The following ETAA1 variants were observed in gnomAD, a reference collection of about 807,000 sequenced individuals.
ETAA1 encodes the protein ETAA1 activator of ATR kinase, also known as ewing's tumor-associated antigen 1.
In ETAA1, 49 loss-of-function variants were observed where a neutral mutation model predicts 76.8. The ratio of observed to expected loss-of-function variants is 0.64; its 90% CI spans 0.51 to 0.81. The LOEUF (loss-of-function observed/expected upper bound fraction) is 0.81, where lower values mean the gene tolerates loss of function less well. Ranked by LOEUF, ETAA1 falls within the 30% of genes least tolerant of loss-of-function variation. The pLI is 0.00. For synonymous variants in ETAA1, 373 were observed against 372.2 expected (o/e 1.00, Z -0.03); for missense variants, 1,099 against 1,074.0 (o/e 1.02, Z -0.32).
chr2:67,404,330 C>G lies in ETAA1; in HGVS notation c.1648C>G (p.Leu550Val). 1 of 1,613,054 alleles carries G rather than the reference C, an allele frequency of 6.2e-7. No homozygotes were observed. The highest frequency in any genetic ancestry group is 8.5e-7 in the Non-Finnish European group (1 of 1,179,380). ...TATTAAAGCCCCTGTTAATACTGAT[C>G]TTTTTGGCTCTGCAAATCTAGGCAG... Reference protein sequence around the residue: ...QSIKAPVNTDLFGSANLGSKT... With the variant: ...QSIKAPVNTDVFGSANLGSKT... Residue 550 changes from leucine to valine, a missense_variant, in exon 5 of 6, where the codon CTT becomes GTT. Leu to Val is a conservative substitution (Grantham distance 32). Around this residue, in one of 3 missense-constraint regions of ETAA1, gnomAD observed 761 missense variants for 731.9 expected, o/e 1.04. Transcript: ENST00000272342.
In ETAA1 at chr2:67,403,554, A is replaced by G. The variant is rs1676115966; in HGVS notation, c.872A>G (p.Gln291Arg). 3 of 1,613,394 alleles carry G rather than the reference A, an allele frequency of 1.9e-6. No individual in the cohort carries two copies. The East Asian group carries it at 6.7e-5, about 36-fold the overall frequency. The change falls in exon 5 of 6, where the codon CAG (glutamine) becomes CGG (arginine). Residue 291 changes from glutamine (Q) to arginine (R), a missense_variant. By Grantham distance (43) the Gln-to-Arg change is conservative. Around this residue, in one of 3 missense-constraint regions of ETAA1, gnomAD observed 761 missense variants for 731.9 expected, o/e 1.04. Transcript: ENST00000272342. ...AATGCTATTTTTGATGGTTCTACTC[A>G]GAAATGTAGCGGACAGTTAAGCCAA... ...AFNAIFDGSTQKCSGQLSQEL... is the reference protein window; with the variant it reads ...AFNAIFDGSTRKCSGQLSQEL...
chr2:67,405,284 G>A lies in ETAA1; in HGVS notation c.2602G>A (p.Gly868Arg). 1.3e-6 allele frequency: 2 copies of A among 1,572,960 alleles called. No individual in the cohort carries two copies. Among genetic ancestry groups the A allele is most frequent in the Non-Finnish European group, 1.7e-6 (2 of 1,162,782 alleles). ...CAACCCATTACTGGAGGAAGCTGTT[G>A]GACAGCAATCTTTGGTGAAACTTTC... is the stretch of plus-strand genomic sequence containing the variant. ...GVNPLLEEAV[G>R]QQSLVKLSES... The change falls in exon 5 of 6, where the codon GGA becomes AGA. Residue 868 changes from glycine to arginine, a missense_variant. Coordinates refer to ENST00000272342, the MANE Select transcript of ETAA1 (RefSeq NM_019002.4).
At position 67,403,452 on chromosome 2, in the gene ETAA1, G is replaced by A; in HGVS notation, c.770G>A (p.Gly257Glu). The A allele has an allele frequency of 6.2e-7, 1 of 1,612,944 alleles. No homozygotes were observed. The highest frequency in any genetic ancestry group is 8.5e-7 in the Non-Finnish European group (1 of 1,179,152). The change falls in exon 5 of 6, where the codon GGA becomes GAA. Residue 257 changes from glycine to glutamate, a missense_variant. By Grantham distance (98) the Gly-to-Glu change is moderately conservative. This residue lies in a region of ETAA1 where 761 missense variants were observed against 731.9 expected (regional missense o/e 1.04). Coordinates refer to ENST00000272342, the MANE Select transcript of ETAA1 (RefSeq NM_019002.4). Reference sequence around the variant, plus strand: ...AATGCTACAAAAAAGCCAATCAAAGGAAACACCAAGATATCTGTGGCAAAT... The same window carrying A: ...AATGCTACAAAAAAGCCAATCAAAGAAAACACCAAGATATCTGTGGCAAAT... ...IDNATKKPIKGNTKISVANNQ... is the reference protein window; with the variant it reads ...IDNATKKPIKENTKISVANNQ...
In ETAA1 at chr2:67,399,559, G is replaced by GA; in HGVS notation, c.369dup (p.Gln124ThrfsTer7). 5 of 1,601,450 alleles carry GA rather than the reference G, an allele frequency of 3.1e-6. No homozygotes were observed. Among genetic ancestry groups the GA allele is most frequent in the Admixed American group, 3.4e-5 (2 of 58,162 alleles). ...GTCTTTGTTTCTTTAGGTAAAGGAA[G>GA]AAAAAAACAGATTTACACCACAGAT... is the stretch of plus-strand genomic sequence containing the variant. On this transcript the variant is annotated frameshift_variant, in exon 3 of 6. Transcript: ENST00000272342. LOFTEE classifies it high-confidence loss of function.
chr2:67,409,873 G>T (rs1191646446), intron 5 of ETAA1, 38 bp from the exon 6 acceptor site: 3 of 1,564,880 alleles, frequency 1.9e-6, no homozygotes, highest in Non-Finnish European at 2.6e-6. Context: ...GACTTTATAG[G>T]CTATAAAAGT....
rs985058781 is a variant in ETAA1, at chr2:67,397,372, T to C, written c.-77T>C. 2.8e-6 allele frequency: 4 copies of C among 1,445,170 alleles called. No individual in the cohort carries two copies. Among genetic ancestry groups the C allele is most frequent in the African/African-American group, 1.4e-5 (1 of 70,912 alleles). 89.5% of individuals were successfully genotyped at this position (1,445,170 alleles called of 1,614,324 possible). A position where few individuals can be genotyped will look rare whatever the true frequency, so the allele number is the denominator to read the frequency against. ...CGGCTGCCGTTGGTGCGGGGTGCGG[T>C]TTGTAGTGCTGTTGCCCTACTCATC... is the stretch of plus-strand genomic sequence containing the variant. On this transcript the variant is annotated 5_prime_UTR_variant, in exon 1 of 6. Coordinates refer to ENST00000272342, the MANE Select transcript of ETAA1 (RefSeq NM_019002.4).
rs1330984257 is a variant in ETAA1 at position 67,410,049 on chromosome 2, G to C, written c.*11G>C. ...ACTTCATTTCTTTAATGAAATATTA[G>C]TTGGAAGACTTCACGAAGACTGCTG... is the stretch of plus-strand genomic sequence containing the variant. On this transcript the variant is annotated 3_prime_UTR_variant, in exon 6 of 6. Transcript: ENST00000272342. 3 of 1,596,906 alleles carry C rather than the reference G, an allele frequency of 1.9e-6. No individual in the cohort carries two copies. The highest frequency in any genetic ancestry group is 2.6e-6 in the Non-Finnish European group (3 of 1,175,126).
rs777292775 is a variant in ETAA1 at position 67,408,021 on chromosome 2, A to G, written c.2654-1890A>G. Among the ~76,000 whole-genome samples the G allele has an allele frequency of 2.6e-5, 4 of 152,220 alleles. 1 individual carries two copies. Among genetic ancestry groups the G allele is most frequent in the East Asian group, 3.9e-4 (2 of 5,182 alleles). On this transcript the variant is annotated intron_variant, in intron 5 of 5. Coordinates refer to ENST00000272342, the MANE Select transcript of ETAA1 (RefSeq NM_019002.4). ...TCCCAAAACTCCTATCTACCAATCTATCTGCATTTTTTATGGATAATCTGC... is the reference window on the plus strand; with the variant it reads ...TCCCAAAACTCCTATCTACCAATCTGTCTGCATTTTTTATGGATAATCTGC...
rs1265365663 is a variant in ETAA1, at chr2:67,404,702, C to T, written c.2020C>T (p.His674Tyr). Residue 674 changes from histidine to tyrosine, a missense_variant, in exon 5 of 6, where the codon CAT (histidine) becomes TAT (tyrosine). Physicochemically the swap from His to Tyr is moderately conservative, Grantham distance 83 (BLOSUM62 2). Transcript: ENST00000272342. ...ATGTGAGATCAATAATAATTCCGAA[C>T]ATGGAGCCAAAAACATGTTTGCTAT... Reference protein sequence around the residue: ...SICEINNNSEHGAKNMFAISK... With the variant: ...SICEINNNSEYGAKNMFAISK... 1 of 1,613,406 alleles carries T rather than the reference C, an allele frequency of 6.2e-7. No homozygotes were observed. Among genetic ancestry groups the T allele is most frequent in the Non-Finnish European group, 8.5e-7 (1 of 1,179,566 alleles).
intron 5 of ETAA1, among the ~76,000 whole-genome samples, chr2:67,408,965 A>G (rs1676291531): frequency 6.6e-6 from 1 of 152,012 alleles, no homozygotes; most frequent in Non-Finnish European, 1.5e-5. Context: ...AAATATCTAC[A>G]GTCTGTTAGG....
At chr2:67,408,175 C>T (rs1048604315) in intron 5 of ETAA1, among the ~76,000 whole-genome samples, 1 of 152,036 alleles carries the variant, frequency 6.6e-6, no homozygotes, top group Non-Finnish European at 1.5e-5. Flanking sequence ...GCAAGCTGCT[C>T]TCCAGGGAAG....
chr2:67,404,509 G>A lies in ETAA1; in HGVS notation c.1827G>A (p.Leu609=). ...TWEADDVDDD[L]LYQACDDIER... is the part of the protein sequence containing the mutation. Reference sequence around the variant, plus strand: ...AAGCAGATGATGTAGATGATGATTTGTTGTACCAAGCATGTGATGATATTG... The same window carrying A: ...AAGCAGATGATGTAGATGATGATTTATTGTACCAAGCATGTGATGATATTG... Residue 609 remains leucine, a synonymous_variant, in exon 5 of 6, where the codon TTG becomes TTA. Coordinates refer to ENST00000272342, the MANE Select transcript of ETAA1 (RefSeq NM_019002.4). The A allele has an allele frequency of 1.2e-6, 2 of 1,613,326 alleles. No individual in the cohort carries two copies. The highest frequency in any genetic ancestry group is 1.7e-6 in the Non-Finnish European group (2 of 1,179,538).
Position 67,397,393 on chromosome 2 carries a change from T to C in ETAA1, c.-56T>C. 1.3e-6 allele frequency: 2 copies of C among 1,526,346 alleles called. No individual in the cohort carries two copies. Among genetic ancestry groups the C allele is most frequent in the Non-Finnish European group, 1.8e-6 (2 of 1,124,546 alleles). 94.6% of individuals were successfully genotyped at this position (1,526,346 alleles called of 1,614,324 possible). ...GCGGTTTGTAGTGCTGTTGCCCTAC[T>C]CATCCCTTTGCAAAATGTGAAAGAA... is the stretch of plus-strand genomic sequence containing the variant. On this transcript the variant is annotated 5_prime_UTR_variant, in exon 1 of 6. Transcript: ENST00000272342.
chr2:67,405,400 T>G, intron 5 of ETAA1, 65 bp downstream of exon 5: 1 of 1,312,152 alleles, frequency 7.6e-7, no homozygotes, highest in Non-Finnish European at 1.0e-6. Context: ...AATAATTATT[T>G]GTTGTTTTTG....
At chr2:67,405,797 T>C (rs1248507908) in intron 5 of ETAA1, among the ~76,000 whole-genome samples, 2 of 152,124 alleles carry the variant, frequency 1.3e-5, no homozygotes, top group East Asian at 3.8e-4. Context: ...GTGTGATATT[T>C]GATATAAACG....
chr2:67,404,068 A>T lies in ETAA1; in HGVS notation c.1386A>T (p.Arg462Ser). 1.2e-6 allele frequency: 2 copies of T among 1,600,202 alleles called. No individual in the cohort carries two copies. Among genetic ancestry groups the T allele is most frequent in the Non-Finnish European group, 8.5e-7 (1 of 1,174,758 alleles). The change falls in exon 5 of 6, where the codon AGA (arginine) becomes AGT (serine). Residue 462 changes from arginine to serine, a missense_variant. By Grantham distance (110) the Arg-to-Ser change is moderately radical. Coordinates refer to ENST00000272342, the MANE Select transcript of ETAA1 (RefSeq NM_019002.4). ...YDRELIDAEY[R>S]FSPNSNKSNK... ...GAGAATTAATAGATGCAGAATATAGATTTTCACCAAATTCAAATAAATCAA... is the reference window on the plus strand; with the variant it reads ...GAGAATTAATAGATGCAGAATATAGTTTTTCACCAAATTCAAATAAATCAA...
Position 67,403,404 on chromosome 2 carries a change from A to C in ETAA1, c.722A>C (p.His241Pro), listed in dbSNP as rs757890788. 1.2e-6 allele frequency: 2 copies of C among 1,608,382 alleles called. No homozygotes were observed. Among genetic ancestry groups the C allele is most frequent in the Non-Finnish European group, 8.5e-7 (1 of 1,175,200 alleles). ...GATAATATACAGATGTGGTCATTACATAATATAGTTCCCGAAATAGATAAT... is the reference window on the plus strand; with the variant it reads ...GATAATATACAGATGTGGTCATTACCTAATATAGTTCCCGAAATAGATAAT... The part of the protein sequence containing the change: ...YKDNIQMWSL[H>P]NIVPEIDNAT... Residue 241 changes from histidine to proline, a missense_variant, in exon 5 of 6, where the codon CAT (histidine) becomes CCT (proline). Physicochemically the swap from His to Pro is moderately conservative, Grantham distance 77. Coordinates refer to ENST00000272342, the MANE Select transcript of ETAA1 (RefSeq NM_019002.4).
In ETAA1 at chr2:67,397,365, G is replaced by T. The variant is rs1025978610; in HGVS notation, c.-84G>T. On this transcript the variant is annotated 5_prime_UTR_variant, in exon 1 of 6. Coordinates refer to ENST00000272342, the MANE Select transcript of ETAA1 (RefSeq NM_019002.4). ...AAAATGGCGGCTGCCGTTGGTGCGG[G>T]GTGCGGTTTGTAGTGCTGTTGCCCT... The T allele has an allele frequency of 4.3e-6, 6 of 1,389,210 alleles. No individual in the cohort carries two copies. The highest frequency in any genetic ancestry group is 6.0e-6 in the Non-Finnish European group (6 of 1,001,486). 86.1% of individuals were successfully genotyped at this position (1,389,210 alleles called of 1,614,324 possible).
In ETAA1 at chr2:67,404,169, A is replaced by G. The variant is rs769479882; in HGVS notation, c.1487A>G (p.Asn496Ser). 1 of 1,599,256 alleles carries G rather than the reference A, an allele frequency of 6.3e-7. No individual in the cohort carries two copies. The highest frequency in any genetic ancestry group is 1.4e-5 in the African/African-American group (1 of 73,938). ...ATTGTTATTCAAGACGAAATTCAAA[A>G]TTGTATAGTTACATCTAATCTGACA... is the stretch of plus-strand genomic sequence containing the variant. ...NKIVIQDEIQNCIVTSNLTKI... is the reference protein window; with the variant it reads ...NKIVIQDEIQSCIVTSNLTKI... Residue 496 changes from asparagine (N) to serine (S), a missense_variant, in exon 5 of 6, where the codon AAT becomes AGT. By Grantham distance (46) the Asn-to-Ser change is conservative. This residue lies in a region of ETAA1 where 761 missense variants were observed against 731.9 expected (regional missense o/e 1.04). Transcript: ENST00000272342.
Sources: gnomAD v4.1 joint callset for allele counts (sites outside exome capture counted in the v4.1 genomes callset) on GRCh38, gnomAD v4.1.1 for gene constraint, gnomAD v4.1.1 regional missense constraint, MANE v1.5 for transcripts, NCBI Gene and HGNC (gene_info 2026-07-23, HGNC 2026-07-21) for gene names.